Variants in KHDRBS2 observed in about 807,000 individuals in gnomAD.
The protein encoded by KHDRBS2 is KH domain-containing, RNA-binding, signal transduction-associated protein 2.
In KHDRBS2, 26 loss-of-function variants were observed where a neutral mutation model predicts 44.3. The ratio of observed to expected loss-of-function variants is 0.59; its 90% CI spans 0.43 to 0.81. KHDRBS2 has a LOEUF of 0.81. Ranked by LOEUF, KHDRBS2 falls within the 40% of genes least tolerant of loss-of-function variation. The probability of loss-of-function intolerance (pLI) is 0.00; values close to 1 mark genes in which losing one functional copy is unlikely to be tolerated. For synonymous variants in KHDRBS2, 194 were observed against 151.1 expected, an observed-to-expected ratio of 1.28 and a Z score of -2.08; for missense variants, 476 against 433.1, an observed-to-expected ratio of 1.10 and a Z score of -0.88.
intron 4 of KHDRBS2, among the ~76,000 whole-genome samples, chr6:61,953,139 T>C (rs115760468): frequency 0.021 from 3,122 of 152,146 alleles, 55 homozygotes; most frequent in Non-Finnish European, 0.029. Context: ...AAATCTTATA[T>C]TTATCTAGTG....
chr6:62,260,338 CT>C (rs1347990630), intron 1 of KHDRBS2, among the ~76,000 whole-genome samples: 1 of 151,866 alleles, frequency 6.6e-6, no homozygotes, highest in Non-Finnish European at 1.5e-5. Flanking sequence ...GATTGTGGTT[CT>C]TGATGGAAGG....
the KHDRBS2 span, among the ~76,000 whole-genome samples, chr6:61,572,128 T>C: frequency 1.3e-5 from 2 of 151,862 alleles, no homozygotes; most frequent in Non-Finnish European, 2.9e-5. Context: ...AGAAATGAAA[T>C]GGGAGATATT....
intron 3 of KHDRBS2, among the ~76,000 whole-genome samples, chr6:62,011,526 C>T (rs1780286831): frequency 6.6e-6 from 1 of 152,044 alleles, no homozygotes; most frequent in African/African-American, 2.4e-5. Flanking sequence ...ATATTTGTCT[C>T]CTTTGAAAAA....
chr6:62,164,834 T>C (rs575556802), intron 2 of KHDRBS2, among the ~76,000 whole-genome samples: 2 of 152,046 alleles, frequency 1.3e-5, no homozygotes, highest in South Asian at 2.1e-4. Flanking sequence ...AAAATCATTA[T>C]TGATTATAAT....
chr6:61,651,600 G>GA, the KHDRBS2 span, among the ~76,000 whole-genome samples: 1 of 151,968 alleles, frequency 6.6e-6, no homozygotes, highest in African/African-American at 2.4e-5. Context: ...TTTTACAAAT[G>GA]AAAAAACAGA....
At chr6:62,252,260 G>A (rs1428032909) in intron 1 of KHDRBS2, among the ~76,000 whole-genome samples, 1 of 151,742 alleles carries the variant, frequency 6.6e-6, no homozygotes, top group East Asian at 1.9e-4. Context: ...TCATACTTTT[G>A]GGGTCTTTAT....
At chr6:61,759,550 G>C (rs1554193635) in intron 6 of KHDRBS2, among the ~76,000 whole-genome samples, 1 of 151,600 alleles carries the variant, frequency 6.6e-6, no homozygotes, top group Non-Finnish European at 1.5e-5. Flanking sequence ...TAGGAATTTT[G>C]TTTAATCTGT....
intron 7 of KHDRBS2, 75 bp downstream of exon 7, chr6:61,732,607 T>A: frequency 1.2e-6 from 1 of 836,662 alleles, no homozygotes; most frequent in Non-Finnish European, 2.1e-6. Flanking sequence ...ATGATATAAT[T>A]GACATTCAGA....
At chr6:61,616,807 C>T in the KHDRBS2 span, among the ~76,000 whole-genome samples, 35 of 152,102 alleles carry the variant, frequency 2.3e-4, no homozygotes, top group Admixed American at 9.8e-4. Context: ...CCCAGCTCCC[C>T]GATTCTCCAG....
rs370923375 is a variant in KHDRBS2 at position 61,954,713 on chromosome 6, C to G, written c.483+23353G>C. On this transcript the variant is annotated intron_variant, in intron 4 of 8. Transcript: ENST00000281156. The stretch of plus-strand genomic sequence containing the variant: ...GTATACATACATATGTGTATATACA[C>G]ATGCATACTTATGTATACATACATA... Among the ~76,000 whole-genome samples the G allele has an allele frequency of 3.4e-5, 4 of 116,664 alleles. 1 individual carries two copies. In the East Asian group the frequency reaches 1.1e-3, roughly 33 times the overall value. 76.5% of individuals were successfully genotyped at this position (116,664 alleles called of 152,430 possible).
chr6:61,774,220 T>C (rs1582758901), intron 6 of KHDRBS2, among the ~76,000 whole-genome samples: 1 of 152,176 alleles, frequency 6.6e-6, no homozygotes, highest in Non-Finnish European at 1.5e-5. Context: ...ATTGAATCTA[T>C]AAATTACTTT....
chr6:61,963,078 G>T (rs1333450636), intron 4 of KHDRBS2, among the ~76,000 whole-genome samples: 1 of 152,068 alleles, frequency 6.6e-6, no homozygotes, highest in Non-Finnish European at 1.5e-5. Context: ...CTATTTAATA[G>T]TGAAATAAAA....
At position 62,027,603 on chromosome 6, in the gene KHDRBS2, T is replaced by G. The variant is rs545412646; in HGVS notation, c.336+20275A>C. On this transcript the variant is annotated intron_variant, in intron 3 of 8. Coordinates refer to ENST00000281156, the MANE Select transcript of KHDRBS2 (RefSeq NM_152688.4). ...GATTAGAGGGTTGGCTTTTCCAGCCTTACTCCCCTAACCTCCTAGGAGTGG... is the reference window on the plus strand; with the variant it reads ...GATTAGAGGGTTGGCTTTTCCAGCCGTACTCCCCTAACCTCCTAGGAGTGG... Among the ~76,000 whole-genome samples the G allele has an allele frequency of 1.4e-3, 207 of 152,186 alleles. 1 individual carries two copies. The highest frequency in any genetic ancestry group is 4.7e-3 in the African/African-American group (197 of 41,554).
chr6:62,061,783 C>A (rs987734038), intron 2 of KHDRBS2, among the ~76,000 whole-genome samples: 1 of 147,796 alleles, frequency 6.8e-6, no homozygotes, highest in Non-Finnish European at 1.5e-5. Context: ...CAACTTGGTT[C>A]CATTCTCCCC....
At chr6:61,545,692 C>T in the KHDRBS2 span, among the ~76,000 whole-genome samples, 1 of 151,962 alleles carries the variant, frequency 6.6e-6, no homozygotes, top group African/African-American at 2.4e-5. Flanking sequence ...ATCTGTGTCT[C>T]CCCCACCCCA....
intron 3 of KHDRBS2, among the ~76,000 whole-genome samples, chr6:62,029,320 A>G (rs1783928175): frequency 6.6e-6 from 1 of 151,748 alleles, no homozygotes; most frequent in African/African-American, 2.4e-5. Flanking sequence ...TTGGATGGGG[A>G]CTTTTTTTTT....
chr6:62,077,098 C>A (rs1024852442), intron 2 of KHDRBS2, among the ~76,000 whole-genome samples: 1 of 151,914 alleles, frequency 6.6e-6, no homozygotes, highest in Non-Finnish European at 1.5e-5. Context: ...CTTGCAGAAC[C>A]TGTAGAAATA....
chr6:62,071,444 T>A (rs546881198), intron 2 of KHDRBS2, among the ~76,000 whole-genome samples: 94 of 152,040 alleles, frequency 6.2e-4, no homozygotes, highest in African/African-American at 2.2e-3. Context: ...GTATTGCTTA[T>A]GTTTTCTTCT....
chr6:61,892,950 T>A (rs1802220279), intron 6 of KHDRBS2, among the ~76,000 whole-genome samples: 1 of 151,854 alleles, frequency 6.6e-6, no homozygotes, highest in Admixed American at 6.6e-5. Flanking sequence ...GAAACTACCA[T>A]CAGAGTGAAC....
Sources: gnomAD v4.1 joint callset for allele counts (sites outside exome capture counted in the v4.1 genomes callset) on GRCh38, gnomAD v4.1.1 for gene constraint, MANE v1.5 for transcripts, NCBI Gene and HGNC (gene_info 2026-07-23, HGNC 2026-07-21) for gene names.